The following MEGF11 variants were observed in gnomAD, a reference collection of about 807,000 sequenced individuals.
MEGF11 encodes the protein multiple epidermal growth factor-like domains protein 11.
A neutral mutation model predicts 146.6 loss-of-function variants in MEGF11; 126 were observed. The observed-to-expected ratio is 0.86, with a 90% CI of 0.74 to 1.00. The LOEUF is 1.00. Among genes scored for constraint, MEGF11 ranks in the 50% least tolerant of loss-of-function variants. MEGF11 has a pLI of 0.00. For synonymous variants in MEGF11, 532 were observed against 583.4 expected (o/e 0.91, Z 1.27); for missense variants, 1,509 against 1,521.2 (o/e 0.99, Z 0.13).
chr15:66,112,057 G>A (rs1451587102), intron 4 of MEGF11, among the ~76,000 whole-genome samples: 2 of 147,982 alleles, frequency 1.4e-5, no homozygotes, highest in African/African-American at 5.0e-5. Flanking sequence ...ATAAGGGAGG[G>A]AAGAAAGGGC....
At chr15:65,977,040 GT>G (rs2081473879) in intron 7 of MEGF11, among the ~76,000 whole-genome samples, 1 of 151,982 alleles carries the variant, frequency 6.6e-6, no homozygotes, top group Admixed American at 6.6e-5. Context: ...GTGATGGCGG[GT>G]GCCTGTAGTC....
At chr15:66,015,338 G>C (rs935119368) in intron 5 of MEGF11, among the ~76,000 whole-genome samples, 2 of 152,170 alleles carry the variant, frequency 1.3e-5, no homozygotes, top group African/African-American at 4.8e-5. Flanking sequence ...AGTTGCTCTC[G>C]GCTAGATCTG....
In MEGF11 at chr15:65,975,026, T is replaced by TCACCATGGGTG. The variant is rs1436969983; in HGVS notation, c.763-4338_763-4337insCACCCATGGTG. ...ACGCCCAGCTAATTTTTGGTATTTT[T>TCACCATGGGTG]AGTAGAGATGGGGTTTCACCATGTT... On this transcript the variant is annotated intron_variant, in intron 7 of 25. Coordinates refer to ENST00000395614, the MANE Select transcript of MEGF11 (RefSeq NM_001385028.1). Among the ~76,000 whole-genome samples the TCACCATGGGTG allele has an allele frequency of 2.0e-5, 3 of 152,198 alleles. No homozygotes were observed. In the East Asian group the frequency reaches 5.8e-4, roughly 30 times the overall value.
chr15:66,110,968 T>TAGG lies in MEGF11; in HGVS notation c.301+8117_301+8118insCCT. Among the ~76,000 whole-genome samples the TAGG allele has an allele frequency of 8.5e-5, 13 of 152,268 alleles. No individual in the cohort carries two copies. In the South Asian group the frequency reaches 1.9e-3, roughly 22 times the overall value. The stretch of plus-strand genomic sequence containing the variant: ...CTCCAAACCTCCTCCCCTGCCCTCT[T>TAGG]GACTGACCCCACTTCTCTCTTCTGG... On this transcript the variant is annotated intron_variant, in intron 4 of 25. Coordinates refer to ENST00000395614, the MANE Select transcript of MEGF11 (RefSeq NM_001385028.1).
At chr15:65,968,581 TACTCACA>T (rs2141595299) in intron 8 of MEGF11, among the ~76,000 whole-genome samples, 1 of 152,182 alleles carries the variant, frequency 6.6e-6, no homozygotes, top group South Asian at 2.1e-4. Flanking sequence ...TTTTTTTCCC[TACTCACA>T]ATTTAAACAA....
chr15:66,172,673 C>T (rs930270678), intron 1 of MEGF11, among the ~76,000 whole-genome samples: 1 of 152,198 alleles, frequency 6.6e-6, no homozygotes, highest in Non-Finnish European at 1.5e-5. Flanking sequence ...CCTGTGTTTC[C>T]CCCATACTCT....
chr15:66,123,834 C>A, intron 3 of MEGF11, 65 bp downstream of exon 3: 1 of 1,385,548 alleles, frequency 7.2e-7, no homozygotes, highest in Non-Finnish European at 1.0e-6. Flanking sequence ...TTCTAACTTG[C>A]ACAGAGGCAA....
At chr15:66,199,109 G>C (rs2091085657) in intron 1 of MEGF11, among the ~76,000 whole-genome samples, 1 of 152,102 alleles carries the variant, frequency 6.6e-6, no homozygotes, top group Non-Finnish European at 1.5e-5. Flanking sequence ...CTCCAAAGGG[G>C]CAAAGGGGTC....
At chr15:66,131,937 G>A (rs750439600) in intron 1 of MEGF11, among the ~76,000 whole-genome samples, 1 of 152,176 alleles carries the variant, frequency 6.6e-6, no homozygotes, top group South Asian at 2.1e-4. Context: ...CTGAAGAAAG[G>A]CCTGGTGCAT....
chr15:65,928,465 G>A lies in MEGF11; in HGVS notation c.1635C>T (p.Asp545=), dbSNP rs781211099. Residue 545 remains aspartate (D), a synonymous_variant, in exon 13 of 26, where the codon GAC becomes GAT. Transcript: ENST00000395614. The stretch of plus-strand genomic sequence containing the variant: ...GGCAGCAGCAGTGGCCTGTGACGGG[G>A]TCACATCCATCAGCATGGCTGCAGT... ...HCDCSHADGC[D]PVTGHCCCLA... is the part of the protein sequence containing the mutation. 1.2e-6 allele frequency: 2 copies of A among 1,604,930 alleles called. No homozygotes were observed. Among genetic ancestry groups the A allele is most frequent in the Non-Finnish European group, 1.7e-6 (2 of 1,174,650 alleles).
In MEGF11 at chr15:66,078,663, T is replaced by C. The variant is rs561217643; in HGVS notation, c.394+15739A>G. Among the ~76,000 whole-genome samples the C allele has an allele frequency of 3.3e-5, 5 of 152,316 alleles. No homozygotes were observed. In the South Asian group the frequency reaches 1.0e-3, roughly 32 times the overall value. Reference sequence around the variant, plus strand: ...TGAGTCCCCTCCTGGAGACCCTGCCTGCAGGCTGCCCCTGGAAGTGCAGGT... The same window carrying C: ...TGAGTCCCCTCCTGGAGACCCTGCCCGCAGGCTGCCCCTGGAAGTGCAGGT... On this transcript the variant is annotated intron_variant, in intron 5 of 25. Coordinates refer to ENST00000395614, the MANE Select transcript of MEGF11 (RefSeq NM_001385028.1).
At chr15:66,253,091 G>A (rs765413573) in intron 1 of MEGF11, among the ~76,000 whole-genome samples, 4 of 152,264 alleles carry the variant, frequency 2.6e-5, no homozygotes, top group South Asian at 2.1e-4. Context: ...TAGCGGCCGC[G>A]GGGCGCATCG....
chr15:66,206,726 C>T (rs951102658), intron 1 of MEGF11, among the ~76,000 whole-genome samples: 2 of 151,992 alleles, frequency 1.3e-5, no homozygotes, highest in African/African-American at 4.8e-5. Flanking sequence ...TAGTGAAACC[C>T]CGTCTCTACT....
chr15:66,083,713 AG>A (rs1162009694), intron 5 of MEGF11, among the ~76,000 whole-genome samples: 1 of 152,158 alleles, frequency 6.6e-6, no homozygotes, highest in Non-Finnish European at 1.5e-5. Context: ...CAGGAGTTTG[AG>A]AACAGCCTGG....
chr15:66,220,189 C>A (rs1247927825), intron 1 of MEGF11, among the ~76,000 whole-genome samples: 2 of 152,106 alleles, frequency 1.3e-5, no homozygotes, highest in Non-Finnish European at 2.9e-5. Context: ...ACCTTGATTT[C>A]ACACTTCTAA....
At chr15:66,169,511 T>C (rs180705770) in intron 1 of MEGF11, among the ~76,000 whole-genome samples, 1 of 152,402 alleles carries the variant, frequency 6.6e-6, no homozygotes, top group East Asian at 1.9e-4. Flanking sequence ...AAACCCATTA[T>C]TCCCAATTAA....
intron 1 of MEGF11, among the ~76,000 whole-genome samples, chr15:66,216,027 T>G (rs912468274): frequency 6.6e-6 from 1 of 152,164 alleles, no homozygotes; most frequent in African/African-American, 2.4e-5. Context: ...CTCCTTCAAC[T>G]GCCTGCGAGG....
intron 1 of MEGF11, among the ~76,000 whole-genome samples, chr15:66,197,867 C>A (rs180719323): frequency 2.6e-5 from 4 of 152,188 alleles, no homozygotes; most frequent in African/African-American, 9.7e-5. Flanking sequence ...TGAGCCACCC[C>A]CCGCCTTAAC....
intron 10 of MEGF11, among the ~76,000 whole-genome samples, chr15:65,945,083 G>T (rs1596881860): frequency 6.6e-6 from 1 of 152,016 alleles, no homozygotes; most frequent in African/African-American, 2.4e-5. Flanking sequence ...TTTAGTAGAG[G>T]TGGGGTTTCA....
Sources: allele counts gnomAD v4.1 joint callset (sites outside exome capture counted in the v4.1 genomes callset), GRCh38; gene constraint gnomAD v4.1.1; transcripts MANE v1.5; gene names NCBI Gene and HGNC (gene_info 2026-07-23, HGNC 2026-07-21).